EBF2: variants seen among roughly 807,000 people sequenced by gnomAD.
EBF2 encodes EBF transcription factor 2.
In EBF2, 21 loss-of-function variants were observed where a neutral mutation model predicts 72.8. That is an observed-to-expected ratio of 0.29 (90% CI 0.20 to 0.42). The LOEUF (loss-of-function observed/expected upper bound fraction) is 0.42, where lower values mean the gene tolerates loss of function less well. Among genes scored for constraint, EBF2 ranks in the 10% least tolerant of loss-of-function variants. The probability of loss-of-function intolerance (pLI) is 1.00; values close to 1 mark genes in which losing one functional copy is unlikely to be tolerated. For missense variants in EBF2, 637 were observed against 731.2 expected, an observed-to-expected ratio of 0.87 and a Z score of 1.49; for synonymous variants, 299 against 274.2, an observed-to-expected ratio of 1.09 and a Z score of -0.89.
At chr8:25,884,703 A>G (rs1802661658) in intron 10 of EBF2, among the ~76,000 whole-genome samples, 1 of 152,196 alleles carries the variant, frequency 6.6e-6, no homozygotes, top group Non-Finnish European at 1.5e-5. Context: ...AATGAACTAT[A>G]TCCCTTTGGA....
intron 6 of EBF2, among the ~76,000 whole-genome samples, chr8:26,018,670 C>CAA (rs202001939): frequency 1.3e-5 from 2 of 148,880 alleles, no homozygotes; most frequent in African/African-American, 4.9e-5. Context: ...GACTCCATCT[C>CAA]AAAAAAAAAG....
At chr8:26,003,540 T>C (rs904371607) in intron 6 of EBF2, among the ~76,000 whole-genome samples, 3 of 152,258 alleles carry the variant, frequency 2.0e-5, no homozygotes, top group Admixed American at 6.5e-5. Flanking sequence ...GCTTGTACCA[T>C]GGTTCCTATG....
chr8:25,903,592 G>T (rs527667109), intron 7 of EBF2, among the ~76,000 whole-genome samples: 1 of 152,318 alleles, frequency 6.6e-6, no homozygotes, highest in East Asian at 1.9e-4. Context: ...AGCTACTCTG[G>T]AGGCTGAGGC....
intron 6 of EBF2, among the ~76,000 whole-genome samples, chr8:25,935,444 G>A (rs182468861): frequency 1.4e-3 from 208 of 152,272 alleles, no homozygotes; most frequent in African/African-American, 4.8e-3. Context: ...GAATGCCAGC[G>A]GCAGTGGCTG....
At chr8:26,006,366 A>G (rs1804882012) in intron 6 of EBF2, among the ~76,000 whole-genome samples, 1 of 152,158 alleles carries the variant, frequency 6.6e-6, no homozygotes, top group South Asian at 2.1e-4. Context: ...ATTGCTAGAC[A>G]ACCTCTATAA....
intron 6 of EBF2, among the ~76,000 whole-genome samples, chr8:25,974,534 T>C (rs929624371): frequency 3.1e-4 from 47 of 152,216 alleles, no homozygotes; most frequent in African/African-American, 1.1e-3. Flanking sequence ...GAAAACTTGA[T>C]AAAATCTTAG....
rs1335769944 is a variant in EBF2 at position 25,841,801 on chromosome 8, C to T, written c.*2808G>A. ...AACTGAAGTAGACATATTCATTTTA[C>T]AAACAAGATATTCTTTAAGTAAGAC... On this transcript the variant is annotated 3_prime_UTR_variant, in exon 16 of 16. Transcript: ENST00000520164. 3 of 152,066 alleles carry T rather than the reference C, an allele frequency of 2.0e-5. No homozygotes were observed. The highest frequency in any genetic ancestry group is 4.4e-5 in the Non-Finnish European group (3 of 67,992). 9.4% of individuals were successfully genotyped at this position (152,066 alleles called of 1,614,324 possible).
chr8:25,956,574 G>A (rs935055151), intron 6 of EBF2, among the ~76,000 whole-genome samples: 6 of 151,694 alleles, frequency 4.0e-5, no homozygotes, highest in Admixed American at 1.3e-4. Flanking sequence ...CTCATCCCTC[G>A]CCCTCTCCCA....
intron 6 of EBF2, among the ~76,000 whole-genome samples, chr8:25,949,530 G>A (rs764956831): frequency 2.0e-5 from 3 of 152,024 alleles, no homozygotes; most frequent in Non-Finnish European, 2.9e-5. Context: ...CTCAAAAGTC[G>A]CCCACCAAAA....
chr8:25,990,941 T>C (rs1804532459), intron 6 of EBF2, among the ~76,000 whole-genome samples: 1 of 152,174 alleles, frequency 6.6e-6, no homozygotes, highest in African/African-American at 2.4e-5. Context: ...ATTAAAATGG[T>C]AAAATAAACT....
At chr8:25,923,799 A>G (rs1803342501) in intron 6 of EBF2, among the ~76,000 whole-genome samples, 1 of 152,202 alleles carries the variant, frequency 6.6e-6, no homozygotes, top group Admixed American at 6.5e-5. Context: ...TTTCTAACCC[A>G]AGACAACAAT....
chr8:25,865,299 AT>A (rs1396373740), intron 10 of EBF2, among the ~76,000 whole-genome samples: 1 of 151,908 alleles, frequency 6.6e-6, no homozygotes. Flanking sequence ...TACCATTTTA[AT>A]TTTTTGGTAT....
intron 6 of EBF2, among the ~76,000 whole-genome samples, chr8:25,914,660 C>T (rs983192809): frequency 1.3e-5 from 2 of 152,164 alleles, no homozygotes; most frequent in South Asian, 2.1e-4. Flanking sequence ...CACAAAAGCC[C>T]AAGAAGATTC....
At chr8:25,849,299 T>C (rs993351479) in intron 15 of EBF2, among the ~76,000 whole-genome samples, 2 of 152,296 alleles carry the variant, frequency 1.3e-5, no homozygotes, top group Non-Finnish European at 2.9e-5. Flanking sequence ...TCATCTCCAG[T>C]GTTGGGATGG....
chr8:25,917,650 T>G (rs915194166), intron 6 of EBF2, among the ~76,000 whole-genome samples: 1 of 152,192 alleles, frequency 6.6e-6, no homozygotes, highest in Admixed American at 6.5e-5. Context: ...CTATTTCCCT[T>G]GCCAGTACCA....
chr8:25,905,489 G>GT, intron 7 of EBF2, among the ~76,000 whole-genome samples: 1 of 151,554 alleles, frequency 6.6e-6, no homozygotes, highest in Non-Finnish European at 1.5e-5. Context: ...TCCATACAAT[G>GT]GAATAGTCAA....
chr8:25,988,130 G>T (rs1219009165), intron 6 of EBF2, among the ~76,000 whole-genome samples: 1 of 152,124 alleles, frequency 6.6e-6, no homozygotes, highest in African/African-American at 2.4e-5. Context: ...AGCAGGTTGG[G>T]GAGTGTAGAT....
At chr8:25,888,679 T>C (rs1284713661) in intron 8 of EBF2, among the ~76,000 whole-genome samples, 2 of 152,186 alleles carry the variant, frequency 1.3e-5, no homozygotes, top group Non-Finnish European at 2.9e-5. Context: ...GGAAGGATTT[T>C]CCCCACTTCT....
intron 6 of EBF2, 53 bp from the exon 7 acceptor site, chr8:25,908,608 G>A: frequency 8.6e-7 from 1 of 1,159,854 alleles, no homozygotes; most frequent in Non-Finnish European, 1.3e-6. Flanking sequence ...TTTAAAGGGA[G>A]AATATAGCTG....
Sources: allele counts gnomAD v4.1 joint callset (sites outside exome capture counted in the v4.1 genomes callset), GRCh38; gene constraint gnomAD v4.1.1; transcripts MANE v1.5; gene names NCBI Gene and HGNC (gene_info 2026-07-23, HGNC 2026-07-21).